PRKAR2A: variants seen among roughly 807,000 people sequenced by gnomAD.
PRKAR2A encodes the protein protein kinase cAMP-dependent type II regulatory subunit alpha.
Under a neutral mutation model 51.9 loss-of-function variants are expected in PRKAR2A, and 29 were observed. The ratio of observed to expected loss-of-function variants is 0.56; its 90% CI spans 0.42 to 0.76. The LOEUF is 0.76. Ranked by LOEUF, PRKAR2A falls within the 30% of genes least tolerant of loss-of-function variation. The probability of loss-of-function intolerance (pLI) is 0.00; values close to 1 mark genes in which losing one functional copy is unlikely to be tolerated. For missense variants in PRKAR2A, 445 were observed against 512.1 expected (o/e 0.87, Z 1.26); for synonymous variants, 178 against 186.2 (o/e 0.96, Z 0.36).
At position 48,820,549 on chromosome 3, in the gene PRKAR2A, A is replaced by G. The variant is rs145921156; in HGVS notation, c.263-12865T>C. 1.5e-3 allele frequency among the ~76,000 whole-genome samples: 235 copies of G among 152,338 alleles called. 2 individuals carry two copies. The highest frequency in any genetic ancestry group is 5.2e-3 in the African/African-American group (217 of 41,578). ...ACCTAGAAACCAGTAAGAATGAAGT[A>G]GTTATAAGCATAGATTCTGAGCCAG... is the stretch of plus-strand genomic sequence containing the variant. On this transcript the variant is annotated intron_variant, in intron 1 of 10. Transcript: ENST00000265563.
At chr3:48,806,832 C>T (rs1367150054) in intron 2 of PRKAR2A, among the ~76,000 whole-genome samples, 3 of 151,522 alleles carry the variant, frequency 2.0e-5, no homozygotes, top group Non-Finnish European at 4.4e-5. Context: ...AGTGCAGTAG[C>T]GTGATCTTGG....
chr3:48,808,087 G>A (rs533994829), intron 1 of PRKAR2A, among the ~76,000 whole-genome samples: 1,436 of 134,076 alleles, frequency 0.011, 9 homozygotes, highest in Middle Eastern at 0.072. Context: ...TCGCTCTGTA[G>A]CCCAGGCTGG....
chr3:48,769,794 A>T (rs531732015), intron 6 of PRKAR2A, among the ~76,000 whole-genome samples: 1 of 150,620 alleles, frequency 6.6e-6, no homozygotes, highest in South Asian at 2.1e-4. Context: ...TTTTTTTTTG[A>T]GACAGAGTCT....
At chr3:48,768,364 C>T (rs775664469) in intron 6 of PRKAR2A, among the ~76,000 whole-genome samples, 1 of 151,528 alleles carries the variant, frequency 6.6e-6, no homozygotes, top group Non-Finnish European at 1.5e-5. Context: ...GAGAGACAGA[C>T]AGACAGACAC....
At chr3:48,765,374 T>C in intron 6 of PRKAR2A, 25 bp from the exon 7 acceptor site, 1 of 1,511,184 alleles carries the variant, frequency 6.6e-7, no homozygotes, top group East Asian at 2.3e-5. Flanking sequence ...ATGAAAATTC[T>C]AGTAAATGCC....
At chr3:48,841,027 G>A (rs867960332) in intron 1 of PRKAR2A, among the ~76,000 whole-genome samples, 8 of 149,834 alleles carry the variant, frequency 5.3e-5, no homozygotes, top group South Asian at 2.1e-4. Context: ...GATTACAGGC[G>A]CACACCACCA....
chr3:48,834,266 A>G (rs1024984676), intron 1 of PRKAR2A, among the ~76,000 whole-genome samples: 4 of 152,180 alleles, frequency 2.6e-5, no homozygotes, highest in African/African-American at 7.2e-5. Context: ...ATACCTCTTC[A>G]GTGTGAACCA....
Position 48,751,198 on chromosome 3 carries a change from G to A in PRKAR2A, c.*387C>T. On this transcript the variant is annotated 3_prime_UTR_variant, in exon 11 of 11. Transcript: ENST00000265563. ...AGAGAGTGTCTACAGTTATACAACA[G>A]GTTTCTGCAGACCCTGTGGTAACTT... The A allele has an allele frequency of 4.7e-6, 2 of 423,996 alleles. No homozygotes were observed. The highest frequency in any genetic ancestry group is 9.4e-6 in the Non-Finnish European group (2 of 213,888). 26.3% of individuals were successfully genotyped at this position (423,996 alleles called of 1,614,324 possible).
chr3:48,838,256 G>A (rs541328062), intron 1 of PRKAR2A, among the ~76,000 whole-genome samples: 1 of 152,186 alleles, frequency 6.6e-6, no homozygotes, highest in African/African-American at 2.4e-5. Flanking sequence ...AGAGACAAAA[G>A]TAGATTAGAG....
chr3:48,766,428 C>A (rs1181545235), intron 6 of PRKAR2A, among the ~76,000 whole-genome samples: 1 of 151,800 alleles, frequency 6.6e-6, no homozygotes, highest in East Asian at 1.9e-4. Context: ...ATTAGCTGGG[C>A]ATGGTGGCGT....
chr3:48,826,243 G>A (rs551183979), intron 1 of PRKAR2A, among the ~76,000 whole-genome samples: 1 of 152,322 alleles, frequency 6.6e-6, no homozygotes, highest in East Asian at 1.9e-4. Flanking sequence ...TCCAGCCTGG[G>A]TGACAGAAGA....
chr3:48,816,018 CAAAAAA>C (rs748275352), intron 1 of PRKAR2A, among the ~76,000 whole-genome samples: 9 of 51,678 alleles, frequency 1.7e-4, no homozygotes, highest in Non-Finnish European at 3.6e-4. Flanking sequence ...GACTCCATCT[CAAAAAA>C]AAAAAAAAAA....
At chr3:48,780,411 G>A (rs2082174738) in intron 5 of PRKAR2A, among the ~76,000 whole-genome samples, 1 of 151,904 alleles carries the variant, frequency 6.6e-6, no homozygotes, top group Admixed American at 6.6e-5. Flanking sequence ...AGACCAGCCT[G>A]ACCAACGTGG....
intron 1 of PRKAR2A, among the ~76,000 whole-genome samples, chr3:48,841,688 A>G (rs1325842350): frequency 6.6e-6 from 1 of 152,140 alleles, no homozygotes; most frequent in Non-Finnish European, 1.5e-5. Context: ...TTACATTCCC[A>G]TGAGTAATGC....
chr3:48,811,128 G>C (rs967767369), intron 1 of PRKAR2A, among the ~76,000 whole-genome samples: 2 of 152,060 alleles, frequency 1.3e-5, no homozygotes, highest in Non-Finnish European at 2.9e-5. Flanking sequence ...GATGAACCAT[G>C]ATTGTACCAC....
chr3:48,745,689 C>A (rs2081556071), downstream of PRKAR2A, among the ~76,000 whole-genome samples: 1 of 151,938 alleles, frequency 6.6e-6, no homozygotes. Context: ...TAGGAATGTG[C>A]CACCATACCT....
At chr3:48,804,250 C>T (rs193254307) in intron 2 of PRKAR2A, among the ~76,000 whole-genome samples, 4 of 152,186 alleles carry the variant, frequency 2.6e-5, no homozygotes, top group African/African-American at 7.2e-5. Context: ...TGCTTGAGCT[C>T]AGGAATTCAA....
chr3:48,806,588 TA>T, intron 2 of PRKAR2A, among the ~76,000 whole-genome samples: 1 of 151,644 alleles, frequency 6.6e-6, no homozygotes, highest in Non-Finnish European at 1.5e-5. Flanking sequence ...CTAACTCAAT[TA>T]AAAAAATAGC....
chr3:48,755,972 G>C (rs1296585335), intron 9 of PRKAR2A, among the ~76,000 whole-genome samples: 1 of 151,920 alleles, frequency 6.6e-6, no homozygotes, highest in African/African-American at 2.4e-5. Flanking sequence ...AGTAGAGACA[G>C]GGTTTCACCG....
Sources: allele counts gnomAD v4.1 joint callset (sites outside exome capture counted in the v4.1 genomes callset), GRCh38; gene constraint gnomAD v4.1.1; transcripts MANE v1.5; gene names NCBI Gene and HGNC (gene_info 2026-07-23, HGNC 2026-07-21).